The following SPDL1 variants were observed in gnomAD, a reference collection of about 807,000 sequenced individuals.
The protein encoded by SPDL1 is spindle apparatus coiled-coil protein 1.
A neutral mutation model predicts 79.5 loss-of-function variants in SPDL1; 85 were observed. That is an observed-to-expected ratio of 1.07 (90% CI 0.90 to 1.28). The LOEUF is 1.28. Among genes scored for constraint, SPDL1 ranks in the 50% most tolerant of loss-of-function variants. The probability of loss-of-function intolerance (pLI) is 0.00; values close to 1 mark genes in which losing one functional copy is unlikely to be tolerated. For missense variants in SPDL1, 703 were observed against 697.8 expected, an observed-to-expected ratio of 1.01 and a Z score of -0.08; for synonymous variants, 269 against 240.3, an observed-to-expected ratio of 1.12 and a Z score of -1.10.
Position 169,601,281 on chromosome 5 carries a change from G to A in SPDL1, c.1326G>A (p.Glu442=), listed in dbSNP as rs1186944294. 6.3e-7 allele frequency: 1 copy of A among 1,592,364 alleles called. No individual in the cohort carries two copies. Among genetic ancestry groups the A allele is most frequent in the African/African-American group, 1.4e-5 (1 of 73,150 alleles). The change falls in exon 11 of 12, where the codon GAG becomes GAA. Residue 442 remains glutamate (E), a splice_region_variant and synonymous_variant. Coordinates refer to ENST00000265295, the MANE Select transcript of SPDL1 (RefSeq NM_017785.5). ...TTCCCCACTCGTTTTTATTCTCAGA[G>A]ACAGTTGAAGTGCCTGTACTGAAAA... is the stretch of plus-strand genomic sequence containing the variant. ...DELKLKYEPE[E]TVEVPVLKKR...
Position 169,601,308 on chromosome 5 carries a change from G to T in SPDL1, c.1353G>T (p.Lys451Asn). 1 of 1,611,254 alleles carries T rather than the reference G, an allele frequency of 6.2e-7. No individual in the cohort carries two copies. Among genetic ancestry groups the T allele is most frequent in the Non-Finnish European group, 8.5e-7 (1 of 1,179,098 alleles). ...EETVEVPVLKKRREVLPVDIT... is the reference protein window; with the variant it reads ...EETVEVPVLKNRREVLPVDIT... ...CAGTTGAAGTGCCTGTACTGAAAAA[G>T]AGGCGTGAGGTGCTCCCTGTGGATA... Residue 451 changes from lysine to asparagine, a missense_variant, in exon 11 of 12, where the codon AAG (lysine) becomes AAT (asparagine). Transcript: ENST00000265295.
In SPDL1 at chr5:169,601,532, TGAA is replaced by T; in HGVS notation, c.1582_1584del (p.Lys528del). ...AAAAATCTGCCCGTGGATATGCAGC[TGAA>T]GAAGGAAAAGAAATGTGTGAAACTC... On this transcript the variant is annotated inframe_deletion, in exon 11 of 12. Coordinates refer to ENST00000265295, the MANE Select transcript of SPDL1 (RefSeq NM_017785.5). 6.2e-7 allele frequency: 1 copy of T among 1,614,068 alleles called. No individual in the cohort carries two copies. Among genetic ancestry groups the T allele is most frequent in the Non-Finnish European group, 8.5e-7 (1 of 1,180,030 alleles).
intron 2 of SPDL1, among the ~76,000 whole-genome samples, chr5:169,589,538 G>A (rs1755160457): frequency 6.7e-6 from 1 of 150,178 alleles, no homozygotes; most frequent in South Asian, 2.1e-4. Flanking sequence ...CCTCCCTTAT[G>A]GGCTTTACAC....
In SPDL1 at chr5:169,591,132, G is replaced by A. The variant is rs1230255892; in HGVS notation, c.244G>A (p.Ala82Thr). The A allele has an allele frequency of 6.2e-7, 1 of 1,614,032 alleles. No homozygotes were observed. Among genetic ancestry groups the A allele is most frequent in the Non-Finnish European group, 8.5e-7 (1 of 1,179,960 alleles). The part of the protein sequence containing the change: ...MLESLSCECE[A>T]IKQQQKMHLE... ...AGAAAGTTTGAGCTGCGAATGTGAAGCTATTAAACAACAACAAAAAATGCA... is the reference window on the plus strand; with the variant it reads ...AGAAAGTTTGAGCTGCGAATGTGAAACTATTAAACAACAACAAAAAATGCA... The change falls in exon 3 of 12, where the codon GCT becomes ACT. Residue 82 changes from alanine (A) to threonine (T), a missense_variant. Transcript: ENST00000265295.
Position 169,604,055 on chromosome 5 carries a change from T to C in SPDL1, c.1671-5T>C. On this transcript the variant is annotated splice_polypyrimidine_tract_variant and splice_region_variant and intron_variant, in intron 11 of 11. Transcript: ENST00000265295. ...AATTCAGAGTGGATGCTTTAATGCC[T>C]GTAGGTTAGCTGCTGAATCAAAGCT... The C allele has an allele frequency of 6.2e-7, 1 of 1,606,994 alleles. No homozygotes were observed. Among genetic ancestry groups the C allele is most frequent in the Non-Finnish European group, 8.5e-7 (1 of 1,177,222 alleles).
At chr5:169,598,683 C>A in intron 9 of SPDL1, 104 bp downstream of exon 9, 1 of 1,101,470 alleles carries the variant, frequency 9.1e-7, no homozygotes. Context: ...GGAAATTTTC[C>A]GAAAAGAAAG....
intron 10 of SPDL1, among the ~76,000 whole-genome samples, chr5:169,600,357 A>G (rs1301621669): frequency 6.6e-6 from 1 of 152,240 alleles, no homozygotes; most frequent in African/African-American, 2.4e-5. Context: ...ATTATCCATT[A>G]TGAATTTCAA....
intron 1 of SPDL1, chr5:169,587,241 A>G (rs1305894966): frequency 6.6e-6 from 1 of 152,044 alleles, no homozygotes; most frequent in Non-Finnish European, 1.5e-5. Context: ...TTTGTTCCCT[A>G]ATGAATCTGA....
At chr5:169,603,991 CT>C in intron 11 of SPDL1, 68 bp from the exon 12 acceptor site, 1 of 1,512,980 alleles carries the variant, frequency 6.6e-7, no homozygotes, top group Non-Finnish European at 8.8e-7. Flanking sequence ...GCCCATTATA[CT>C]GGGGGTTTGT....
rs1239044102 is a variant in SPDL1, at chr5:169,604,120, A to G, written c.1731A>G (p.Lys577=). The G allele has an allele frequency of 1.2e-6, 2 of 1,613,390 alleles. No homozygotes were observed. The highest frequency in any genetic ancestry group is 1.7e-6 in the Non-Finnish European group (2 of 1,179,814). Residue 577 remains lysine, a synonymous_variant, in exon 12 of 12, where the codon AAA becomes AAG. Transcript: ENST00000265295. ...EVKEGKETSS[K]LEKETCKKLH... ...AAGAAGGAAAAGAAACTTCAAGCAA[A>G]TTGGAAAAAGAAACTTGTAAGAAAT...
intron 8 of SPDL1, among the ~76,000 whole-genome samples, chr5:169,596,986 A>G (rs991879204): frequency 6.6e-6 from 1 of 152,096 alleles, no homozygotes; most frequent in Admixed American, 6.6e-5. Flanking sequence ...TCACTTACTC[A>G]TTCATTTATA....
chr5:169,602,957 C>CT (rs1166684036), intron 11 of SPDL1, among the ~76,000 whole-genome samples: 1 of 152,118 alleles, frequency 6.6e-6, no homozygotes, highest in East Asian at 1.9e-4. Context: ...GCCAGCCTTG[C>CT]TATCTGTATT....
chr5:169,601,361 A>G lies in SPDL1; in HGVS notation c.1406A>G (p.Asn469Ser), dbSNP rs1170710453. The G allele has an allele frequency of 6.2e-7, 1 of 1,613,882 alleles. No homozygotes were observed. Among genetic ancestry groups the G allele is most frequent in the African/African-American group, 1.3e-5 (1 of 74,866 alleles). ...DITTAKDACVNNSALGGEVYR... is the reference protein window; with the variant it reads ...DITTAKDACVSNSALGGEVYR... ...ACCACCGCTAAAGATGCATGTGTCAACAACAGTGCTCTCGGGGGAGAAGTT... is the reference window on the plus strand; with the variant it reads ...ACCACCGCTAAAGATGCATGTGTCAGCAACAGTGCTCTCGGGGGAGAAGTT... The change falls in exon 11 of 12, where the codon AAC (asparagine) becomes AGC (serine). Residue 469 changes from asparagine (N) to serine (S), a missense_variant. Physicochemically the swap from Asn to Ser is conservative, Grantham distance 46. Transcript: ENST00000265295.
In SPDL1 at chr5:169,594,567, G is replaced by A. The variant is rs1755489150; in HGVS notation, c.781-4G>A. ...GAACAATTAAGCATGTTAATATTTTGTAGGTGGAAGATCGAAGGGCAGCAA... is the reference window on the plus strand; with the variant it reads ...GAACAATTAAGCATGTTAATATTTTATAGGTGGAAGATCGAAGGGCAGCAA... On this transcript the variant is annotated splice_polypyrimidine_tract_variant and splice_region_variant and intron_variant, in intron 6 of 11. Transcript: ENST00000265295. 3 of 1,613,496 alleles carry A rather than the reference G, an allele frequency of 1.9e-6. No individual in the cohort carries two copies. The highest frequency in any genetic ancestry group is 2.5e-6 in the Non-Finnish European group (3 of 1,179,494).
At position 169,596,625 on chromosome 5, in the gene SPDL1, T is replaced by A. The variant is rs1755598715; in HGVS notation, c.956T>A (p.Leu319Ter). Residue 319 changes from leucine (L) to a stop codon, truncating the protein, a stop_gained, in exon 8 of 12, where the codon TTG becomes TAG. Transcript: ENST00000265295. LOFTEE classifies it high-confidence loss of function. ...ACTGAATTTGAGCAGCAGGAACGGTTGCTTGCCATGTTGGAGCAGAAGAAT... is the reference window on the plus strand; with the variant it reads ...ACTGAATTTGAGCAGCAGGAACGGTAGCTTGCCATGTTGGAGCAGAAGAAT... ...SQTEFEQQER[L>*]LAMLEQKNGE... 1 of 1,608,228 alleles carries A rather than the reference T, an allele frequency of 6.2e-7. No homozygotes were observed. Among genetic ancestry groups the A allele is most frequent in the Non-Finnish European group, 8.5e-7 (1 of 1,178,028 alleles).
chr5:169,597,169 G>A (rs541833502), intron 8 of SPDL1, among the ~76,000 whole-genome samples: 1 of 151,660 alleles, frequency 6.6e-6, no homozygotes, highest in Non-Finnish European at 1.5e-5. Context: ...CCCACTTCTG[G>A]GATTAGCATT....
chr5:169,602,605 A>G (rs201530495), intron 11 of SPDL1, among the ~76,000 whole-genome samples: 2 of 118,484 alleles, frequency 1.7e-5, no homozygotes, highest in Non-Finnish European at 3.8e-5. Flanking sequence ...AAAAGGGCTT[A>G]TATGTTTTAT....
chr5:169,596,449 C>T, intron 7 of SPDL1, 112 bp from the exon 8 acceptor site: 1 of 890,774 alleles, frequency 1.1e-6, no homozygotes, highest in South Asian at 1.9e-5. Context: ...AATTTAGTTT[C>T]CAAAATGAGT....
At chr5:169,596,284 G>A (rs1002093364) in intron 7 of SPDL1, 2 of 315,994 alleles carry the variant, frequency 6.3e-6, no homozygotes, top group Non-Finnish European at 1.2e-5. Context: ...CAGTTCAGTG[G>A]TGTGCTTTCA....
Sources: gnomAD v4.1 joint callset for allele counts (sites outside exome capture counted in the v4.1 genomes callset) on GRCh38, gnomAD v4.1.1 for gene constraint, MANE v1.5 for transcripts, NCBI Gene and HGNC (gene_info 2026-07-23, HGNC 2026-07-21) for gene names.